COLEC10: variants seen among roughly 807,000 people sequenced by gnomAD.
COLEC10 encodes the protein collectin-10.
In COLEC10, 22 loss-of-function variants were observed where a neutral mutation model predicts 28.4. The ratio of observed to expected loss-of-function variants is 0.78; its 90% CI spans 0.55 to 1.11. The LOEUF is 1.11. Among genes scored for constraint, COLEC10 ranks in the 50% least tolerant of loss-of-function variants. COLEC10 has a pLI of 0.00. For synonymous variants in COLEC10, 125 were observed against 116.1 expected (o/e 1.08, Z -0.49); for missense variants, 361 against 344.1 (o/e 1.05, Z -0.39).
At chr8:119,040,380 G>T (rs1054640522) in intron 2 of COLEC10, among the ~76,000 whole-genome samples, 1 of 152,094 alleles carries the variant, frequency 6.6e-6, no homozygotes, top group Admixed American at 6.6e-5. Context: ...CAATTCTTTA[G>T]TATCTCATTG....
At chr8:119,088,219 G>C (rs1479088007) in intron 1 of COLEC10, among the ~76,000 whole-genome samples, 1 of 150,584 alleles carries the variant, frequency 6.6e-6, no homozygotes, top group East Asian at 2.0e-4. Context: ...GAAAGAGAGA[G>C]AGAAAGAAAA....
the COLEC10 span, among the ~76,000 whole-genome samples, chr8:118,979,864 A>T: frequency 1.3e-5 from 2 of 152,096 alleles, no homozygotes; most frequent in African/African-American, 4.8e-5. Context: ...AATTTGATCA[A>T]GTTGAAGAGT....
At chr8:118,976,367 T>G in the COLEC10 span, 1 of 152,080 alleles carries the variant, frequency 6.6e-6, no homozygotes, top group Non-Finnish European at 1.5e-5. Context: ...TGTGTTTTCA[T>G]ATGCCACAGT....
chr8:118,988,239 A>C, the COLEC10 span, among the ~76,000 whole-genome samples: 7 of 152,164 alleles, frequency 4.6e-5, no homozygotes, highest in East Asian at 3.9e-4. Flanking sequence ...GAATATTATC[A>C]GATTCTCATC....
At chr8:118,960,143 G>A in the COLEC10 span, among the ~76,000 whole-genome samples, 1 of 152,122 alleles carries the variant, frequency 6.6e-6, no homozygotes, top group South Asian at 2.1e-4. Flanking sequence ...ATAAGAGTTG[G>A]GGGTAGGGGG....
chr8:119,025,482 G>A (rs1005439594), intron 2 of COLEC10, among the ~76,000 whole-genome samples: 1 of 152,152 alleles, frequency 6.6e-6, no homozygotes, highest in Non-Finnish European at 1.5e-5. Context: ...CCTTAGGTCA[G>A]GAACTTCTTA....
intron 1 of COLEC10, among the ~76,000 whole-genome samples, chr8:119,079,771 C>A (rs1199598181): frequency 7.4e-6 from 1 of 134,610 alleles, no homozygotes; most frequent in African/African-American, 3.1e-5. Flanking sequence ...CAGTTGTTTT[C>A]TTTGCTAGGT....
chr8:119,055,841 A>G (rs180701327), intron 2 of COLEC10, among the ~76,000 whole-genome samples: 9 of 152,198 alleles, frequency 5.9e-5, no homozygotes, highest in African/African-American at 1.9e-4. Context: ...TGTCTTTAAA[A>G]TACCTTGACT....
intron 2 of COLEC10, among the ~76,000 whole-genome samples, chr8:119,032,143 C>A (rs533454510): frequency 2.6e-5 from 4 of 152,270 alleles, no homozygotes; most frequent in African/African-American, 9.6e-5. Context: ...TATTGGAAAT[C>A]CGTGAATCTG....
chr8:119,071,706 C>A (rs1227408227), intron 1 of COLEC10, among the ~76,000 whole-genome samples: 1 of 152,164 alleles, frequency 6.6e-6, no homozygotes, highest in South Asian at 2.1e-4. Flanking sequence ...CCCGAATGGA[C>A]AAGGATACCA....
the COLEC10 span, among the ~76,000 whole-genome samples, chr8:118,973,963 T>C: frequency 1.1e-4 from 16 of 151,944 alleles, no homozygotes; most frequent in Admixed American, 8.5e-4. Flanking sequence ...TTCTTATTCC[T>C]CAAACCCACC....
At chr8:119,053,976 G>A (rs1226900053) in intron 2 of COLEC10, among the ~76,000 whole-genome samples, 2 of 151,922 alleles carry the variant, frequency 1.3e-5, no homozygotes, top group African/African-American at 4.8e-5. Context: ...TAATAAAATG[G>A]AACAATTAAA....
rs570586901 is a variant in COLEC10, at chr8:119,062,245, G to C, written n.236-27435G>C. Among the ~76,000 whole-genome samples, 4 of 152,066 alleles carry C rather than the reference G, an allele frequency of 2.6e-5. No homozygotes were observed. The South Asian group carries it at 8.3e-4, about 32-fold the overall frequency. On this transcript the variant is annotated intron_variant and non_coding_transcript_variant, in intron 2 of 6. Coordinates refer to the COLEC10 transcript ENST00000521788. ...GAGACATCTCCATCTTCCATATTTA[G>C]AAGTCAATGAGTATCTAAACTGAAA...
At chr8:118,959,472 G>A in the COLEC10 span, among the ~76,000 whole-genome samples, 1 of 152,098 alleles carries the variant, frequency 6.6e-6, no homozygotes, top group African/African-American at 2.4e-5. Flanking sequence ...CACCTCCTAG[G>A]ATTGTTCTGA....
At chr8:118,974,124 A>G in the COLEC10 span, among the ~76,000 whole-genome samples, 1 of 151,906 alleles carries the variant, frequency 6.6e-6, no homozygotes, top group Admixed American at 6.6e-5. Flanking sequence ...TATGCTATCT[A>G]TAACAGCAAT....
the COLEC10 span, among the ~76,000 whole-genome samples, chr8:118,985,674 G>A: frequency 1.3e-5 from 2 of 151,956 alleles, no homozygotes; most frequent in Non-Finnish European, 2.9e-5. Flanking sequence ...AAATAAAGGG[G>A]TCTAGAAATT....
intron 3 of COLEC10, among the ~76,000 whole-genome samples, chr8:119,091,591 GAGAGAGAAAGAAAGAAAGAA>G (rs1386028399): frequency 9.6e-4 from 87 of 90,738 alleles, no homozygotes; most frequent in African/African-American, 1.6e-3. Context: ...GAGAGAGAGA[GAGAGAGAAAGAAAGAAAGAA>G]AGAAAGAAAG....
chr8:119,030,515 T>G (rs970388467), intron 2 of COLEC10, among the ~76,000 whole-genome samples: 1 of 152,090 alleles, frequency 6.6e-6, no homozygotes, highest in Admixed American at 6.6e-5. Context: ...AGTGTGTTAG[T>G]ACTTTGCAGT....
At chr8:118,995,500 C>T (rs1180271878) in exon 1 of COLEC10, 1 of 152,122 alleles carries the variant, frequency 6.6e-6, no homozygotes, top group Non-Finnish European at 1.5e-5. Flanking sequence ...TTATTTAGCC[C>T]AGCCTCATAG....
Sources: allele counts gnomAD v4.1 joint callset (sites outside exome capture counted in the v4.1 genomes callset), GRCh38; gene constraint gnomAD v4.1.1; transcripts MANE v1.5; gene names NCBI Gene and HGNC (gene_info 2026-07-23, HGNC 2026-07-21).